The following ACTR3C variants were observed in gnomAD, a reference collection of about 807,000 sequenced individuals.
The protein encoded by ACTR3C is actin related protein 3C, also known as actin-related protein 3C.
Under a neutral mutation model 26.3 loss-of-function variants are expected in ACTR3C, and 18 were observed. The observed-to-expected ratio is 0.68, with a 90% CI of 0.47 to 1.01. The LOEUF is 1.01. Ranked by LOEUF, ACTR3C falls within the 50% of genes least tolerant of loss-of-function variation. The pLI, the probability that ACTR3C is intolerant of heterozygous loss-of-function variation, is 0.00. For synonymous variants in ACTR3C, 55 were observed against 94.5 expected (o/e 0.58, Z 2.42); for missense variants, 184 against 250.7 (o/e 0.73, Z 1.80).
At chr7:150,300,074 C>T (rs35107672) in intron 1 of ACTR3C, among the ~76,000 whole-genome samples, 17 of 152,066 alleles carry the variant, frequency 1.1e-4, no homozygotes, top group South Asian at 4.2e-4. Context: ...GTGTGCTAGC[C>T]GGGCGCAATG....
chr7:150,033,879 G>A, the ACTR3C span, among the ~76,000 whole-genome samples: 5 of 151,858 alleles, frequency 3.3e-5, no homozygotes, highest in Admixed American at 3.3e-4. Flanking sequence ...AAGAGCAAAG[G>A]GGGGAAGAGG....
chr7:150,076,796 T>C, the ACTR3C span: 10 of 152,340 alleles, frequency 6.6e-5, no homozygotes, highest in African/African-American at 2.4e-4. Flanking sequence ...ATTTTCTCAA[T>C]TTTTGCATAA....
chr7:150,237,997 G>A, the ACTR3C span, among the ~76,000 whole-genome samples: 2 of 149,456 alleles, frequency 1.3e-5, no homozygotes, highest in Non-Finnish European at 3.0e-5. Context: ...CCCACTCCCC[G>A]CATAGTGTTC....
chr7:150,237,733 C>T, the ACTR3C span, among the ~76,000 whole-genome samples: 3 of 151,906 alleles, frequency 2.0e-5, no homozygotes, highest in African/African-American at 4.8e-5. Context: ...GCGCAGGCCT[C>T]GCCCTGGCAG....
chr7:150,039,393 G>A, the ACTR3C span, among the ~76,000 whole-genome samples: 1 of 70,544 alleles, frequency 1.4e-5, no homozygotes, highest in East Asian at 4.6e-4. Context: ...TAAGAACCCG[G>A]GGGGGAAGAG....
the ACTR3C span, among the ~76,000 whole-genome samples, chr7:150,049,343 G>A: frequency 6.6e-6 from 1 of 152,106 alleles, no homozygotes; most frequent in African/African-American, 2.4e-5. Flanking sequence ...TTCCCGGCCG[G>A]GAAGGACCTA....
the ACTR3C span, among the ~76,000 whole-genome samples, chr7:149,985,206 C>CAACACACA: frequency 2.3e-5 from 1 of 44,108 alleles, no homozygotes; most frequent in Non-Finnish European, 5.1e-5. Context: ...GCAAACAAAG[C>CAACACACA]AACACACACA....
the ACTR3C span, among the ~76,000 whole-genome samples, chr7:150,024,221 C>A: frequency 6.6e-6 from 1 of 151,902 alleles, no homozygotes; most frequent in Non-Finnish European, 1.5e-5. Flanking sequence ...AATTAAGGGA[C>A]CACAGAGGAC....
At chr7:149,940,710 C>G in the ACTR3C span, among the ~76,000 whole-genome samples, 2 of 139,594 alleles carry the variant, frequency 1.4e-5, no homozygotes, top group Admixed American at 7.4e-5. Flanking sequence ...AGCTCACCTC[C>G]CCACTCTCCT....
the ACTR3C span, among the ~76,000 whole-genome samples, chr7:150,148,700 T>G: frequency 1.3e-5 from 2 of 152,248 alleles, no homozygotes; most frequent in Non-Finnish European, 2.9e-5. Flanking sequence ...TGCAAACTAA[T>G]TTTGTGTTGT....
At chr7:150,135,598 GCT>G in the ACTR3C span, among the ~76,000 whole-genome samples, 1 of 152,146 alleles carries the variant, frequency 6.6e-6, no homozygotes, top group Non-Finnish European at 1.5e-5. Context: ...ACAAGCACAT[GCT>G]CTAGATTATT....
At chr7:150,261,530 G>A (rs189461604) in intron 6 of ACTR3C, among the ~76,000 whole-genome samples, 33 of 152,308 alleles carry the variant, frequency 2.2e-4, no homozygotes, top group African/African-American at 7.5e-4. Context: ...GTGAAACCCC[G>A]TCTCTACTAA....
chr7:150,039,830 C>T, the ACTR3C span, among the ~76,000 whole-genome samples: 4 of 130,720 alleles, frequency 3.1e-5, no homozygotes, highest in African/African-American at 1.1e-4. Context: ...GGTGCCTCCG[C>T]CCCCAGCGAT....
At chr7:150,070,013 G>A in the ACTR3C span, among the ~76,000 whole-genome samples, 1,372 of 152,276 alleles carry the variant, frequency 9.0e-3, 18 homozygotes, top group African/African-American at 0.031. Flanking sequence ...AAAGGAACAT[G>A]GACGCCTTCC....
chr7:150,068,157 C>T, the ACTR3C span, among the ~76,000 whole-genome samples: 3 of 152,174 alleles, frequency 2.0e-5, no homozygotes, highest in Non-Finnish European at 2.9e-5. Flanking sequence ...AGGGAAATGG[C>T]TGTCTGGGCT....
chr7:149,940,176 G>A, the ACTR3C span, among the ~76,000 whole-genome samples: 1 of 152,210 alleles, frequency 6.6e-6, no homozygotes, highest in African/African-American at 2.4e-5. Flanking sequence ...TTAAATTCAA[G>A]GTCTAAATCT....
At chr7:150,240,689 C>T (rs538250474), downstream of ACTR3C, among the ~76,000 whole-genome samples, 2 of 152,278 alleles carry the variant, frequency 1.3e-5, no homozygotes, top group East Asian at 3.9e-4. Context: ...ATCACTATTT[C>T]TACTTAACGT....
the ACTR3C span, among the ~76,000 whole-genome samples, chr7:150,108,445 G>A: frequency 6.6e-6 from 1 of 151,938 alleles, no homozygotes; most frequent in African/African-American, 2.4e-5. Context: ...AATTGCAAAT[G>A]AAAAGATAGA....
At chr7:150,058,072 C>T in the ACTR3C span, among the ~76,000 whole-genome samples, 2,715 of 152,248 alleles carry the variant, frequency 0.018, 79 homozygotes, top group African/African-American at 0.061. Flanking sequence ...GTCACCTTAT[C>T]ATTTCCCTTC....
Sources: allele counts gnomAD v4.1 joint callset (sites outside exome capture counted in the v4.1 genomes callset), GRCh38; gene constraint gnomAD v4.1.1; transcripts MANE v1.5; gene names NCBI Gene and HGNC (gene_info 2026-07-23, HGNC 2026-07-21).